ALK: variants seen among roughly 807,000 people sequenced by gnomAD.
ALK encodes ALK tyrosine kinase receptor.
In ALK, 74 loss-of-function variants were observed where a neutral mutation model predicts 163.1. The ratio of observed to expected loss-of-function variants is 0.45; its 90% CI spans 0.38 to 0.55. The LOEUF (loss-of-function observed/expected upper bound fraction) is 0.55. Among genes scored for constraint, ALK ranks in the 20% least tolerant of loss-of-function variants. The pLI, the probability that ALK is intolerant of heterozygous loss-of-function variation, is 0.00. For synonymous variants in ALK, 960 were observed against 843.2 expected, an observed-to-expected ratio of 1.14 and a Z score of -2.40; for missense variants, 2,063 against 2,105.3, an observed-to-expected ratio of 0.98 and a Z score of 0.39.
At position 29,829,992 on chromosome 2, in the gene ALK, C is replaced by A. The variant is rs189987161; in HGVS notation, c.667+90001G>T. On this transcript the variant is annotated intron_variant, in intron 1 of 28. Coordinates refer to ENST00000389048, the MANE Select transcript of ALK (RefSeq NM_004304.5). ...TTTGCTGTCTCTCTGCAAGGTTTTG[C>A]TCTCCATTCTGGGCATCCTTCATCA... is the stretch of plus-strand genomic sequence containing the variant. Among the ~76,000 whole-genome samples the A allele has an allele frequency of 3.9e-5, 6 of 152,312 alleles. No individual in the cohort carries two copies. The East Asian group carries it at 1.2e-3, about 29-fold the overall frequency.
Position 29,867,937 on chromosome 2 carries a change from G to A in ALK, c.667+52056C>T, listed in dbSNP as rs541177177. Among the ~76,000 whole-genome samples, 279 of 152,342 alleles carry A rather than the reference G, an allele frequency of 1.8e-3. 3 individuals carry two copies. Among genetic ancestry groups the A allele is most frequent in the Middle Eastern group, 3.4e-3 (1 of 294 alleles). Reference sequence around the variant, plus strand: ...GGAGTGGGCAGCTGCTCAGACAGCAGTGACCTCATTTCCATTGGAAGGTTA... The same window carrying A: ...GGAGTGGGCAGCTGCTCAGACAGCAATGACCTCATTTCCATTGGAAGGTTA... On this transcript the variant is annotated intron_variant, in intron 1 of 28. Coordinates refer to ENST00000389048, the MANE Select transcript of ALK (RefSeq NM_004304.5).
At chr2:29,339,115 T>A (rs1464300057) in intron 5 of ALK, among the ~76,000 whole-genome samples, 1 of 152,114 alleles carries the variant, frequency 6.6e-6, no homozygotes, top group Non-Finnish European at 1.5e-5. Flanking sequence ...TGGTGGCATG[T>A]ACCTGTAGTC....
At chr2:29,432,863 G>C (rs1482356464) in intron 4 of ALK, among the ~76,000 whole-genome samples, 1 of 151,880 alleles carries the variant, frequency 6.6e-6, no homozygotes, top group Non-Finnish European at 1.5e-5. Flanking sequence ...GTGGGGGTGA[G>C]TAAGCACTAG....
At chr2:29,435,709 C>A (rs73923630) in intron 4 of ALK, among the ~76,000 whole-genome samples, 1,644 of 151,958 alleles carry the variant, frequency 0.011, 34 homozygotes, top group African/African-American at 0.038. Context: ...TCCCTTATGC[C>A]AATATGACTG....
intron 18 of ALK, among the ~76,000 whole-genome samples, chr2:29,226,037 G>A (rs1373197567): frequency 6.6e-6 from 1 of 152,222 alleles, no homozygotes; most frequent in East Asian, 1.9e-4. Flanking sequence ...TATCGTGCTT[G>A]GTACTGGACA....
At chr2:29,637,682 C>G (rs1212870375) in intron 3 of ALK, among the ~76,000 whole-genome samples, 1 of 128,000 alleles carries the variant, frequency 7.8e-6, no homozygotes, top group African/African-American at 3.1e-5. Context: ...GCACTCCAGC[C>G]TGGGTGACAG....
At chr2:29,633,873 T>C (rs906706915) in intron 3 of ALK, among the ~76,000 whole-genome samples, 11 of 152,074 alleles carry the variant, frequency 7.2e-5, no homozygotes, top group Admixed American at 7.2e-4. Context: ...CAATATGAAA[T>C]AGGTAATTTG....
intron 4 of ALK, among the ~76,000 whole-genome samples, chr2:29,432,597 G>A (rs995022129): frequency 3.9e-5 from 6 of 152,174 alleles, no homozygotes; most frequent in Admixed American, 3.9e-4. Context: ...AACTTGGTCA[G>A]TCTCCACATT....
chr2:29,612,207 C>A (rs1675712693), intron 3 of ALK, among the ~76,000 whole-genome samples: 1 of 152,142 alleles, frequency 6.6e-6, no homozygotes, highest in South Asian at 2.1e-4. Flanking sequence ...TTTGCAGTTG[C>A]CATCTCAGTA....
At chr2:29,343,991 T>C (rs1461747464) in intron 5 of ALK, among the ~76,000 whole-genome samples, 2 of 152,034 alleles carry the variant, frequency 1.3e-5, no homozygotes, top group African/African-American at 4.8e-5. Context: ...AGACAAGACT[T>C]GATGGGAAAA....
At chr2:29,626,241 C>T (rs963768487) in intron 3 of ALK, among the ~76,000 whole-genome samples, 7 of 152,006 alleles carry the variant, frequency 4.6e-5, no homozygotes, top group African/African-American at 1.7e-4. Flanking sequence ...TGGCTGTGTC[C>T]CCACCCAAAT....
chr2:29,920,555 C>A lies in ALK; in HGVS notation c.105G>T (p.Gly35=), dbSNP rs2148443899. ...GTGGCTCCCGGGGCTGCAGCGGCGG[C>A]CCCGCAGCTGGGGAGCCCGCGCGCT... ...TGQRAGSPAA[G]PPLQPREPLS... is the part of the protein sequence containing the mutation. The change falls in exon 1 of 29, where the codon GGG becomes GGT. Residue 35 remains glycine, a synonymous_variant. Transcript: ENST00000389048. 1 of 1,602,540 alleles carries A rather than the reference C, an allele frequency of 6.2e-7. No homozygotes were observed. The highest frequency in any genetic ancestry group is 8.5e-7 in the Non-Finnish European group (1 of 1,176,818).
intron 3 of ALK, among the ~76,000 whole-genome samples, chr2:29,617,770 TTGAA>T (rs1205038615): frequency 6.6e-6 from 1 of 152,224 alleles, no homozygotes; most frequent in African/African-American, 2.4e-5. Context: ...TGTAACAGTC[TTGAA>T]TGAAGTCTTC....
intron 1 of ALK, among the ~76,000 whole-genome samples, chr2:29,825,427 G>C (rs567130135): frequency 2.6e-4 from 39 of 152,276 alleles, no homozygotes; most frequent in Admixed American, 9.1e-4. Context: ...AAGGAGGAAA[G>C]GCTGAGAAGT....
chr2:29,421,132 T>A (rs1052043624), intron 4 of ALK, among the ~76,000 whole-genome samples: 1 of 151,500 alleles, frequency 6.6e-6, no homozygotes, highest in Non-Finnish European at 1.5e-5. Flanking sequence ...ATCTGTTCTC[T>A]AAGACAACGG....
chr2:29,333,108 G>T (rs1364753157), intron 5 of ALK, among the ~76,000 whole-genome samples: 1 of 143,792 alleles, frequency 7.0e-6, no homozygotes, highest in African/African-American at 3.0e-5. Context: ...GTGAAGTTGG[G>T]TTTTTTTGTT....
intron 1 of ALK, among the ~76,000 whole-genome samples, chr2:29,789,443 A>G (rs7567906): frequency 2.0e-5 from 3 of 152,206 alleles, no homozygotes; most frequent in Non-Finnish European, 4.4e-5. Flanking sequence ...CAGTTGATTG[A>G]CTGGCTTGGC....
intron 2 of ALK, among the ~76,000 whole-genome samples, chr2:29,705,278 TATAA>T (rs1553349870): frequency 0.14 from 6,086 of 44,514 alleles, 969 homozygotes; most frequent in African/African-American, 0.24. Context: ...TATATATATA[TATAA>T]ATATATATCT....
chr2:29,802,939 C>T (rs1288037501), intron 1 of ALK, among the ~76,000 whole-genome samples: 1 of 152,000 alleles, frequency 6.6e-6, no homozygotes, highest in African/African-American at 2.4e-5. Context: ...GGCTTAGGTA[C>T]AGTTCTCTGT....
Sources: allele counts gnomAD v4.1 joint callset (sites outside exome capture counted in the v4.1 genomes callset), GRCh38; gene constraint gnomAD v4.1.1; transcripts MANE v1.5; gene names NCBI Gene and HGNC (gene_info 2026-07-23, HGNC 2026-07-21).